The following FBXL22 variants were observed in gnomAD, a reference collection of about 807,000 sequenced individuals.
FBXL22 encodes the protein F-box and leucine rich repeat protein 22.
FBXL22 carries 13 observed loss-of-function variants against 11.7 expected under a neutral mutation model. The ratio of observed to expected loss-of-function variants is 1.11; its 90% CI spans 0.73 to 1.77. The LOEUF is 1.77. Among genes scored for constraint, FBXL22 ranks in the 40% most tolerant of loss-of-function variants. The probability of loss-of-function intolerance (pLI) is 0.00; values close to 1 mark genes in which losing one functional copy is unlikely to be tolerated. For synonymous variants in FBXL22, 160 were observed against 144.1 expected, an observed-to-expected ratio of 1.11 and a Z score of -0.79; for missense variants, 406 against 320.4, an observed-to-expected ratio of 1.27 and a Z score of -2.04.
chr15:63,607,127 G>A (rs1355307399), downstream of FBXL22, among the ~76,000 whole-genome samples: 1 of 151,084 alleles, frequency 6.6e-6, no homozygotes, highest in Non-Finnish European at 1.5e-5. Flanking sequence ...CTCACTGCAA[G>A]CTCTGCCTCT....
Position 63,600,853 on chromosome 15 carries a change from C to G in FBXL22, c.510C>G (p.Asp170Glu). 1 of 1,229,794 alleles carries G rather than the reference C, an allele frequency of 8.1e-7. No individual in the cohort carries two copies. Among genetic ancestry groups the G allele is most frequent in the Non-Finnish European group, 1.0e-6 (1 of 986,694 alleles). The allele number at this position is 1,229,794 out of a possible 1,614,324, so 76.2% of individuals were successfully genotyped here. A position where few individuals can be genotyped will look rare whatever the true frequency, so the allele number is the denominator to read the frequency against. ...TNRTLAAVAA[D>E]GRALQTLHVD... is the part of the protein sequence containing the mutation. The stretch of plus-strand genomic sequence containing the variant: ...GCACGTTGGCTGCCGTGGCGGCGGA[C>G]GGGCGCGCGCTGCAGACATTGCACG... The change falls in exon 2 of 2, where the codon GAC (aspartate) becomes GAG (glutamate). Residue 170 changes from aspartate to glutamate, a missense_variant. By Grantham distance (45) the Asp-to-Glu change is conservative. Transcript: ENST00000638704.
intron 1 of FBXL22, chr15:63,599,093 C>G (rs549839417): frequency 9.7e-5 from 107 of 1,100,278 alleles, no homozygotes; most frequent in Non-Finnish European, 1.3e-4. Flanking sequence ...TCAAATACTT[C>G]AAACTCTTGC....
At chr15:63,602,278 C>G (rs1375030371), downstream of FBXL22, 1 of 152,262 alleles carries the variant, frequency 6.6e-6, no homozygotes, top group Non-Finnish European at 1.5e-5. Flanking sequence ...CAACAGGTAA[C>G]TGGTATATAA....
At chr15:63,606,742 A>C (rs1486898639), downstream of FBXL22, among the ~76,000 whole-genome samples, 1 of 152,166 alleles carries the variant, frequency 6.6e-6, no homozygotes, top group African/African-American at 2.4e-5. Flanking sequence ...TCTGGCAACG[A>C]AACAGTGTGT....
At chr15:63,605,224 C>T (rs2067407501), downstream of FBXL22, among the ~76,000 whole-genome samples, 1 of 152,206 alleles carries the variant, frequency 6.6e-6, no homozygotes, top group Admixed American at 6.5e-5. Flanking sequence ...AGTGACTCAG[C>T]CCTAGTTAGA....
chr15:63,601,640 G>T (rs369319834), downstream of FBXL22: 49 of 1,606,174 alleles, frequency 3.1e-5, no homozygotes, highest in Middle Eastern at 1.7e-4. Context: ...GCCCGCACGC[G>T]CGTCTGCCCG....
chr15:63,599,381 T>C, intron 1 of FBXL22: 2 of 1,405,118 alleles, frequency 1.4e-6, no homozygotes, highest in Non-Finnish European at 1.8e-6. Flanking sequence ...CTAATCCTTA[T>C]AACCACCTTG....
chr15:63,597,405 CT>C lies in FBXL22; in HGVS notation c.14del (p.Leu5ProfsTer5), dbSNP rs749582637. ...CAGCTGCACTCACATGTGGCCACTG[CT>C]CACCATGCACATAACCCAGCTCAAC... Reference protein sequence around the residue: MWPLLTMHITQLNRE... With the variant: MWPLXTMHITQLNRE... On this transcript the variant is annotated frameshift_variant, in exon 1 of 2. Transcript: ENST00000638704. LOFTEE classifies it high-confidence loss of function. This position sits in a 1 kb window ranked among gnomAD's most constrained non-coding sequence, Gnocchi z 4.3. 3.7e-5 allele frequency: 59 copies of C among 1,609,124 alleles called. No individual in the cohort carries two copies. Among genetic ancestry groups the C allele is most frequent in the Non-Finnish European group, 1.1e-5 (13 of 1,176,904 alleles).
At chr15:63,604,424 G>A (rs2067404003), downstream of FBXL22, among the ~76,000 whole-genome samples, 2 of 152,132 alleles carry the variant, frequency 1.3e-5, no homozygotes, top group African/African-American at 2.4e-5. Context: ...AGTGATCACA[G>A]AACTCAAGCA....
chr15:63,601,696 C>A (rs745484224), downstream of FBXL22: 27 of 1,600,560 alleles, frequency 1.7e-5, no homozygotes, highest in African/African-American at 2.7e-4. Flanking sequence ...ACCGCACTCG[C>A]GATTGTAGAA....
At chr15:63,601,984 G>A (rs1347521464), downstream of FBXL22, 1 of 367,228 alleles carries the variant, frequency 2.7e-6, no homozygotes, top group Non-Finnish European at 4.9e-6. Flanking sequence ...TTTAGTGAAG[G>A]CTCTCGGCCC....
At position 63,600,983 on chromosome 15, in the gene FBXL22, C is replaced by G; in HGVS notation, c.640C>G (p.Gln214Glu). ...GCACAGCGCCGCCATGCTGCCCGAC[C>G]AGCCCCCGCGCCCGCGCGCGCCCGC... ...AEHSAAMLPD[Q>E]PPRPRAPAAA... The change falls in exon 2 of 2, where the codon CAG becomes GAG. Residue 214 changes from glutamine (Q) to glutamate (E), a missense_variant. By Grantham distance (29) the Gln-to-Glu change is conservative. Transcript: ENST00000638704. 1 of 1,191,742 alleles carries G rather than the reference C, an allele frequency of 8.4e-7. No individual in the cohort carries two copies. The highest frequency in any genetic ancestry group is 1.6e-5 in the African/African-American group (1 of 62,826). The allele number at this position is 1,191,742 out of a possible 1,614,324, so 73.8% of individuals were successfully genotyped here.
chr15:63,601,400 A>C (rs1274848785), downstream of FBXL22: 2 of 1,595,764 alleles, frequency 1.3e-6, no homozygotes. Context: ...GGACCTGACC[A>C]CTCGGAGTTC....
Position 63,601,047 on chromosome 15 carries a change from C to T in FBXL22, c.*8C>T. The T allele has an allele frequency of 1.6e-6, 2 of 1,227,578 alleles. No individual in the cohort carries two copies. Among genetic ancestry groups the T allele is most frequent in the East Asian group, 3.2e-5 (1 of 31,336 alleles). The allele number at this position is 1,227,578 out of a possible 1,614,324, so 76.0% of individuals were successfully genotyped here. On this transcript the variant is annotated 3_prime_UTR_variant, in exon 2 of 2. Transcript: ENST00000638704. ...AAGCTGCTGCAGCGCTAGACGCCGC[C>T]CCGCCGCTGCCCCCGGGGAAGGAGC...
downstream of FBXL22, chr15:63,601,783 AG>A: frequency 7.2e-7 from 1 of 1,394,372 alleles, no homozygotes; most frequent in Non-Finnish European, 9.4e-7. Context: ...TAAGGGAAAA[AG>A]AAATGATTTG....
downstream of FBXL22, chr15:63,601,492 G>A (rs1297730723): frequency 6.4e-7 from 1 of 1,550,882 alleles, no homozygotes; most frequent in Non-Finnish European, 8.7e-7. Context: ...GCGACCCAGC[G>A]AGACCCCGCC....
rs1215814958 is a variant in FBXL22 at position 63,597,771 on chromosome 15, T to G, written c.353+26T>G. ...GTAGGCCACCTTGCCTCCTGAGCAGTGCTGGCCCCGCTAGCTCTGGCTTCC... is the reference window on the plus strand; with the variant it reads ...GTAGGCCACCTTGCCTCCTGAGCAGGGCTGGCCCCGCTAGCTCTGGCTTCC... On this transcript the variant is annotated intron_variant, in intron 1 of 1. Coordinates refer to ENST00000638704, the MANE Select transcript of FBXL22 (RefSeq NM_001367807.1). This position sits in a 1 kb window ranked among gnomAD's most constrained non-coding sequence, Gnocchi z 4.3. The G allele has an allele frequency of 7.8e-6, 12 of 1,537,786 alleles. No homozygotes were observed. The highest frequency in any genetic ancestry group is 1.1e-5 in the Non-Finnish European group (12 of 1,138,618).
downstream of FBXL22, chr15:63,601,515 G>A (rs2067371615): frequency 1.3e-6 from 2 of 1,556,056 alleles, no homozygotes; most frequent in African/African-American, 2.7e-5. Context: ...CTCCCGGAGT[G>A]TCCTGGGGAC....
chr15:63,600,876 A>G lies in FBXL22; in HGVS notation c.533A>G (p.His178Arg). The change falls in exon 2 of 2, where the codon CAC becomes CGC. Residue 178 changes from histidine to arginine, a missense_variant. Transcript: ENST00000638704. ...GACGGGCGCGCGCTGCAGACATTGCACGTGGACTTCTGCCGCAACGTGAGC... is the reference window on the plus strand; with the variant it reads ...GACGGGCGCGCGCTGCAGACATTGCGCGTGGACTTCTGCCGCAACGTGAGC... ...AADGRALQTL[H>R]VDFCRNVSAA... 1 of 1,227,166 alleles carries G rather than the reference A, an allele frequency of 8.1e-7. No individual in the cohort carries two copies. The highest frequency in any genetic ancestry group is 4.1e-5 in the South Asian group (1 of 24,282). 76.0% of individuals were successfully genotyped at this position (1,227,166 alleles called of 1,614,324 possible). A position where few individuals can be genotyped will look rare whatever the true frequency, so the allele number is the denominator to read the frequency against.
Sources: gnomAD v4.1 joint callset for allele counts (sites outside exome capture counted in the v4.1 genomes callset) on GRCh38, gnomAD v4.1.1 for gene constraint, Gnocchi (gnomAD v3.1) non-coding constraint, MANE v1.5 for transcripts, NCBI Gene and HGNC (gene_info 2026-07-23, HGNC 2026-07-21) for gene names.